Variants in WASHC3 observed in about 807,000 individuals in gnomAD.
WASHC3 encodes WASH complex subunit 3, also known as WASH complex subunit CCDC53.
In WASHC3, 24 loss-of-function variants were observed where a neutral mutation model predicts 26.1. The observed-to-expected ratio is 0.92, with a 90% confidence interval of 0.66 to 1.29. The LOEUF (loss-of-function observed/expected upper bound fraction) is 1.29, where lower values mean the gene tolerates loss of function less well. Ranked by LOEUF, WASHC3 falls within the 50% of genes most tolerant of loss-of-function variation. WASHC3 has a pLI of 0.00. For missense variants in WASHC3, 214 were observed against 229.6 expected, an observed-to-expected ratio of 0.93 and a Z score of 0.44; for synonymous variants, 77 against 75.7, an observed-to-expected ratio of 1.02 and a Z score of -0.09.
intron 6 of WASHC3, among the ~76,000 whole-genome samples, chr12:102,023,032 A>G (rs183419663): frequency 6.4e-4 from 97 of 152,204 alleles, no homozygotes; most frequent in Non-Finnish European, 8.5e-4. Flanking sequence ...ATAAATGATT[A>G]TTTTCAAAAA....
intron 6 of WASHC3, among the ~76,000 whole-genome samples, chr12:102,018,349 T>C (rs1187713548): frequency 6.6e-6 from 1 of 152,214 alleles, no homozygotes; most frequent in Non-Finnish European, 1.5e-5. Flanking sequence ...TGCTGAATAA[T>C]TCTATTTTTA....
intron 6 of WASHC3, among the ~76,000 whole-genome samples, chr12:102,020,012 C>A (rs1185885688): frequency 2.0e-5 from 3 of 152,168 alleles, no homozygotes; most frequent in African/African-American, 7.2e-5. Flanking sequence ...TTGTTTCAGT[C>A]ACACAGTCTA....
At chr12:102,061,000 C>T (rs1209039888) in intron 2 of WASHC3, among the ~76,000 whole-genome samples, 1 of 149,004 alleles carries the variant, frequency 6.7e-6, no homozygotes, top group Non-Finnish European at 1.5e-5. Flanking sequence ...TCCTATTGTT[C>T]CCTTTAATCG....
intron 2 of WASHC3, among the ~76,000 whole-genome samples, chr12:102,057,448 T>A (rs949608126): frequency 6.6e-6 from 1 of 152,028 alleles, no homozygotes; most frequent in Non-Finnish European, 1.5e-5. Flanking sequence ...ATAAAAGGCA[T>A]TGAAATTGGA....
In WASHC3 at chr12:102,012,851, T is replaced by C. The variant is rs1876535517; in HGVS notation, c.*257A>G. 2 of 269,848 alleles carry C rather than the reference T, an allele frequency of 7.4e-6. No individual in the cohort carries two copies. Among genetic ancestry groups the C allele is most frequent in the African/African-American group, 2.3e-5 (1 of 44,174 alleles). The allele number at this position is 269,848 out of a possible 1,614,324, so 16.7% of individuals were successfully genotyped here. ...AATTGCTCATTGCATCTCTAAAATATTCTATCTTAGTATTTGTAGCACTAA... is the reference window on the plus strand; with the variant it reads ...AATTGCTCATTGCATCTCTAAAATACTCTATCTTAGTATTTGTAGCACTAA... On this transcript the variant is annotated 3_prime_UTR_variant, in exon 7 of 7. Transcript: ENST00000240079.
intron 2 of WASHC3, among the ~76,000 whole-genome samples, chr12:102,054,725 T>C (rs761463894): frequency 6.6e-6 from 1 of 152,202 alleles, no homozygotes; most frequent in South Asian, 2.1e-4. Context: ...TCTGACCATA[T>C]TGGTTTGAAA....
intron 6 of WASHC3, among the ~76,000 whole-genome samples, chr12:102,014,626 C>A (rs890633912): frequency 6.6e-6 from 1 of 152,056 alleles, no homozygotes; most frequent in Non-Finnish European, 1.5e-5. Flanking sequence ...CAAATATAAA[C>A]CCATTTGCTC....
intron 2 of WASHC3, among the ~76,000 whole-genome samples, chr12:102,056,288 T>C (rs963286325): frequency 1.3e-5 from 2 of 152,232 alleles, no homozygotes; most frequent in African/African-American, 4.8e-5. Context: ...AAGACATTTT[T>C]AAAAGTATCT....
At chr12:102,051,923 C>T (rs1473419425) in intron 2 of WASHC3, among the ~76,000 whole-genome samples, 1 of 152,144 alleles carries the variant, frequency 6.6e-6, no homozygotes, top group Non-Finnish European at 1.5e-5. Context: ...GAGCAGTCTC[C>T]AGCTGACATG....
chr12:102,049,721 C>G (rs1381822792), intron 2 of WASHC3, among the ~76,000 whole-genome samples: 1 of 151,964 alleles, frequency 6.6e-6, no homozygotes, highest in Non-Finnish European at 1.5e-5. Context: ...CTTGGTATAC[C>G]CCACTGTGTT....
intron 6 of WASHC3, among the ~76,000 whole-genome samples, chr12:102,024,859 A>G (rs1214135042): frequency 6.6e-6 from 1 of 152,178 alleles, no homozygotes; most frequent in Non-Finnish European, 1.5e-5. Flanking sequence ...ACATATCACA[A>G]GCCGTCTGGC....
chr12:102,029,246 T>C (rs534103850), intron 5 of WASHC3, among the ~76,000 whole-genome samples: 1 of 152,340 alleles, frequency 6.6e-6, no homozygotes, highest in East Asian at 1.9e-4. Flanking sequence ...CAGACAAAGC[T>C]ACTGGTGGTC....
chr12:102,047,976 A>C (rs1311877924), intron 2 of WASHC3, among the ~76,000 whole-genome samples: 1 of 152,082 alleles, frequency 6.6e-6, no homozygotes. Flanking sequence ...AAACCCTCCA[A>C]CTCCAGAGGC....
intron 5 of WASHC3, among the ~76,000 whole-genome samples, chr12:102,026,258 C>T (rs1488231335): frequency 6.6e-6 from 1 of 152,062 alleles, no homozygotes; most frequent in Non-Finnish European, 1.5e-5. Context: ...GCCCAAATTA[C>T]ATCATTTGAG....
In WASHC3 at chr12:102,034,923, T is replaced by C. The variant is rs185021010; in HGVS notation, c.435+4945A>G. ...TATGAGAACTGGCATTTCAAAGAAA[T>C]GTCTTACAATGTTTCCCAGCAGAAA... On this transcript the variant is annotated intron_variant, in intron 5 of 6. Coordinates refer to ENST00000240079, the MANE Select transcript of WASHC3 (RefSeq NM_016053.4). Among the ~76,000 whole-genome samples, 393 of 152,076 alleles carry C rather than the reference T, an allele frequency of 2.6e-3. 9 individuals carry two copies. The highest frequency in any genetic ancestry group is 0.024 in the Admixed American group (366 of 15,248).
Position 102,035,893 on chromosome 12 carries a change from T to A in WASHC3, c.435+3975A>T, listed in dbSNP as rs148328245. ...ACAAAAGGAGCTATTACTTCTAGCT[T>A]TACGTGTGTTGGTGGGTTTAGAATC... On this transcript the variant is annotated intron_variant, in intron 5 of 6. Transcript: ENST00000240079. Among the ~76,000 whole-genome samples, 23 of 152,302 alleles carry A rather than the reference T, an allele frequency of 1.5e-4. No homozygotes were observed. In the East Asian group the frequency reaches 3.7e-3, roughly 24 times the overall value.
intron 2 of WASHC3, among the ~76,000 whole-genome samples, chr12:102,053,299 T>C (rs1437329025): frequency 6.6e-6 from 1 of 151,640 alleles, no homozygotes; most frequent in African/African-American, 2.4e-5. Context: ...GGCCCACCCC[T>C]ATAGAGCTAA....
chr12:102,055,415 G>A (rs922771672), intron 2 of WASHC3, among the ~76,000 whole-genome samples: 3 of 152,064 alleles, frequency 2.0e-5, no homozygotes, highest in Admixed American at 2.0e-4. Flanking sequence ...GCGCAATCTT[G>A]GCTCACTGCA....
At chr12:102,015,077 C>T (rs144698013) in intron 6 of WASHC3, among the ~76,000 whole-genome samples, 58 of 152,228 alleles carry the variant, frequency 3.8e-4, no homozygotes, top group Admixed American at 3.3e-4. Context: ...CCGAAGAGGG[C>T]GTTTTGCTTG....
Sources: gnomAD v4.1 joint callset for allele counts (sites outside exome capture counted in the v4.1 genomes callset) on GRCh38, gnomAD v4.1.1 for gene constraint, MANE v1.5 for transcripts, NCBI Gene and HGNC (gene_info 2026-07-23, HGNC 2026-07-21) for gene names.